The following CHST8 variants were observed in gnomAD, a reference collection of about 807,000 sequenced individuals.
CHST8 encodes GALNAC-4-ST1.
CHST8 carries 10 observed loss-of-function variants against 15.0 expected under a neutral mutation model. The ratio of observed to expected loss-of-function variants is 0.67; its 90% CI spans 0.41 to 1.13. CHST8 has a LOEUF of 1.13. Ranked by LOEUF, CHST8 falls within the 50% of genes most tolerant of loss-of-function variation. The pLI is 0.00. For missense variants in CHST8, 634 were observed against 608.2 expected (o/e 1.04, Z -0.45); for synonymous variants, 259 against 256.6 (o/e 1.01, Z -0.09).
chr19:33,631,425 G>T (rs910211295), intron 1 of CHST8, among the ~76,000 whole-genome samples: 3 of 152,112 alleles, frequency 2.0e-5, no homozygotes, highest in Admixed American at 2.0e-4. Context: ...TGCTGTGCCT[G>T]GGGCTGGGCC....
intron 3 of CHST8, among the ~76,000 whole-genome samples, chr19:33,756,415 G>T (rs1370179831): frequency 6.6e-6 from 1 of 152,146 alleles, no homozygotes; most frequent in African/African-American, 2.4e-5. Context: ...CCCAAGCTCT[G>T]TCCTGTTTCC....
chr19:33,699,500 T>C (rs1004928784), intron 3 of CHST8, among the ~76,000 whole-genome samples: 2 of 152,012 alleles, frequency 1.3e-5, no homozygotes, highest in Non-Finnish European at 2.9e-5. Context: ...TTGTCCTCTC[T>C]AGTGAACAGG....
intron 3 of CHST8, among the ~76,000 whole-genome samples, chr19:33,703,070 C>T (rs543594814): frequency 1.8e-4 from 28 of 152,330 alleles, no homozygotes; most frequent in African/African-American, 4.8e-4. Flanking sequence ...CCAAGCCTCC[C>T]GCACAGCCCA....
chr19:33,769,453 A>C (rs1023864842), intron 3 of CHST8, among the ~76,000 whole-genome samples: 6 of 152,170 alleles, frequency 3.9e-5, no homozygotes, highest in African/African-American at 1.4e-4. Context: ...CCAGAAGAAA[A>C]TAATTAAGGA....
At chr19:33,747,298 C>T (rs1178219375) in intron 3 of CHST8, among the ~76,000 whole-genome samples, 4 of 152,184 alleles carry the variant, frequency 2.6e-5, no homozygotes, top group Non-Finnish European at 4.4e-5. Flanking sequence ...TAATTGCTCA[C>T]AGCTGCACCC....
chr19:33,734,308 T>C (rs1300710927), intron 3 of CHST8, among the ~76,000 whole-genome samples: 1 of 152,230 alleles, frequency 6.6e-6, no homozygotes, highest in Admixed American at 6.5e-5. Flanking sequence ...ATCCACCTCT[T>C]GTTTAGCATA....
chr19:33,670,000 C>T (rs753057872), intron 2 of CHST8, among the ~76,000 whole-genome samples: 4 of 152,030 alleles, frequency 2.6e-5, no homozygotes, highest in African/African-American at 4.8e-5. Context: ...CCAGAAATGC[C>T]GAATTCAAGA....
intron 3 of CHST8, among the ~76,000 whole-genome samples, chr19:33,747,559 A>G (rs1236273462): frequency 6.6e-6 from 1 of 151,938 alleles, no homozygotes; most frequent in Non-Finnish European, 1.5e-5. Context: ...CCACACACAC[A>G]TACACACACA....
intron 1 of CHST8, among the ~76,000 whole-genome samples, chr19:33,649,750 T>C (rs1366767216): frequency 1.3e-5 from 2 of 152,124 alleles, no homozygotes; most frequent in Admixed American, 6.5e-5. Flanking sequence ...AACCAGGCCA[T>C]GGTGGGTAGT....
chr19:33,633,431 A>T (rs1216861681), intron 1 of CHST8, among the ~76,000 whole-genome samples: 1 of 152,104 alleles, frequency 6.6e-6, no homozygotes, highest in Non-Finnish European at 1.5e-5. Flanking sequence ...TTGCTCTGTC[A>T]TCTAGGCCAG....
chr19:33,692,708 A>G (rs1973121856), intron 3 of CHST8, among the ~76,000 whole-genome samples: 2 of 152,172 alleles, frequency 1.3e-5, no homozygotes, highest in African/African-American at 4.8e-5. Context: ...TCAAACAACA[A>G]AAAATTCCCA....
intron 3 of CHST8, among the ~76,000 whole-genome samples, chr19:33,699,342 C>G (rs1475191667): frequency 6.6e-6 from 1 of 152,128 alleles, no homozygotes; most frequent in Non-Finnish European, 1.5e-5. Flanking sequence ...TTACAGGGTT[C>G]CCAATCTGGG....
chr19:33,653,446 A>G (rs1972473407), intron 1 of CHST8, among the ~76,000 whole-genome samples: 1 of 152,094 alleles, frequency 6.6e-6, no homozygotes, highest in Non-Finnish European at 1.5e-5. Context: ...GTAGGTGTAT[A>G]GTTTTATTTT....
At chr19:33,644,977 G>T (rs769883750) in intron 1 of CHST8, among the ~76,000 whole-genome samples, 2 of 152,182 alleles carry the variant, frequency 1.3e-5, no homozygotes, top group African/African-American at 2.4e-5. Flanking sequence ...TTTGGCAACA[G>T]CTGGAGACAT....
At chr19:33,693,890 T>C (rs2145264478) in intron 3 of CHST8, among the ~76,000 whole-genome samples, 1 of 151,760 alleles carries the variant, frequency 6.6e-6, no homozygotes, top group East Asian at 1.9e-4. Flanking sequence ...CAGCCATTCA[T>C]TAGGGGTTAC....
At chr19:33,633,877 C>G (rs1972157402) in intron 1 of CHST8, among the ~76,000 whole-genome samples, 1 of 151,406 alleles carries the variant, frequency 6.6e-6, no homozygotes, top group Non-Finnish European at 1.5e-5. Context: ...TGGCTCACGG[C>G]AGCCTTGACC....
Position 33,702,569 on chromosome 19 carries a change from A to G in CHST8, c.130+13178A>G, listed in dbSNP as rs182124811. 9.0e-4 allele frequency among the ~76,000 whole-genome samples: 137 copies of G among 152,330 alleles called. 1 individual carries two copies. Among genetic ancestry groups the G allele is most frequent in the African/African-American group, 3.0e-3 (125 of 41,572 alleles). ...GTCCAACTGGAAAACTGGGTCTCCC[A>G]TTATGTGGGGGCCTGGGCAGGGTCC... On this transcript the variant is annotated intron_variant, in intron 3 of 4. Transcript: ENST00000650847.
chr19:33,692,478 A>G (rs1335810096), intron 3 of CHST8, among the ~76,000 whole-genome samples: 2 of 152,134 alleles, frequency 1.3e-5, no homozygotes, highest in Non-Finnish European at 2.9e-5. Flanking sequence ...TGGGAGAATC[A>G]CTTGAGCCTA....
chr19:33,760,273 T>TCCCTCCCTCCCTCCCTCCCTCCCTC (rs1974692948), intron 3 of CHST8, among the ~76,000 whole-genome samples: 1 of 3,666 alleles, frequency 2.7e-4, no homozygotes, highest in Non-Finnish European at 6.3e-4. Context: ...TGCCCTTCCT[T>TCCCTCCCTCCCTCCCTCCCTCCCTC]CCTTCCCTCC....
Sources: gnomAD v4.1 joint callset for allele counts (sites outside exome capture counted in the v4.1 genomes callset) on GRCh38, gnomAD v4.1.1 for gene constraint, MANE v1.5 for transcripts, NCBI Gene and HGNC (gene_info 2026-07-23, HGNC 2026-07-21) for gene names.